Variants in INPP5A observed in about 807,000 individuals in gnomAD.
The protein encoded by INPP5A is inositol polyphosphate-5-phosphatase A, also known as 43 kDa inositol polyphosphate 5-phophatase.
Under a neutral mutation model 65.2 loss-of-function variants are expected in INPP5A, and 14 were observed. The observed-to-expected ratio is 0.21, with a 90% CI of 0.14 to 0.34. The LOEUF (loss-of-function observed/expected upper bound fraction) is 0.34. Ranked by LOEUF, INPP5A falls within the 10% of genes least tolerant of loss-of-function variation. The pLI is 1.00. For synonymous variants in INPP5A, 207 were observed against 208.3 expected (o/e 0.99, Z 0.05); for missense variants, 431 against 545.6 (o/e 0.79, Z 2.09).
chr10:132,732,342 G>A (rs1255427352), intron 9 of INPP5A, among the ~76,000 whole-genome samples: 1 of 152,222 alleles, frequency 6.6e-6, no homozygotes, highest in Non-Finnish European at 1.5e-5. Context: ...TTAAGACTGT[G>A]GATACATAGC....
In INPP5A at chr10:132,783,011, C is replaced by T. The variant is rs1847194461; in HGVS notation, c.*982C>T. 2.6e-5 allele frequency: 4 copies of T among 152,384 alleles called. No individual in the cohort carries two copies. Among genetic ancestry groups the T allele is most frequent in the Admixed American group, 2.6e-4 (4 of 15,272 alleles). 9.4% of individuals were successfully genotyped at this position (152,384 alleles called of 1,614,324 possible). On this transcript the variant is annotated 3_prime_UTR_variant, in exon 16 of 16. Transcript: ENST00000368594. Reference sequence around the variant, plus strand: ...GGAGAAATAGAAATAGCCTAGTTTGCTTCCAATAGAAACTGCTTTTAACAT... The same window carrying T: ...GGAGAAATAGAAATAGCCTAGTTTGTTTCCAATAGAAACTGCTTTTAACAT...
chr10:132,620,157 C>G (rs1197588773), intron 2 of INPP5A, among the ~76,000 whole-genome samples: 3 of 152,222 alleles, frequency 2.0e-5, no homozygotes, highest in Non-Finnish European at 4.4e-5. Flanking sequence ...GCCTCAGGAC[C>G]TGTGACAGGA....
At chr10:132,640,288 A>T (rs2072409711) in intron 2 of INPP5A, among the ~76,000 whole-genome samples, 1 of 152,228 alleles carries the variant, frequency 6.6e-6, no homozygotes, top group Non-Finnish European at 1.5e-5. Context: ...CTGCTCGCTC[A>T]CGTGGGTTGT....
chr10:132,662,036 C>T (rs191899433), intron 4 of INPP5A, among the ~76,000 whole-genome samples: 340 of 152,278 alleles, frequency 2.2e-3, no homozygotes, highest in African/African-American at 7.9e-3. Flanking sequence ...ATAGACCTAG[C>T]GTAAGAGCTA....
intron 11 of INPP5A, among the ~76,000 whole-genome samples, chr10:132,755,104 A>G (rs890218471): frequency 1.7e-4 from 25 of 151,050 alleles, no homozygotes; most frequent in Non-Finnish European, 1.2e-4. Flanking sequence ...TGAGCAGGCA[A>G]GTGTGTGAGC....
intron 9 of INPP5A, among the ~76,000 whole-genome samples, chr10:132,734,283 C>G (rs1384551434): frequency 6.6e-6 from 1 of 152,222 alleles, no homozygotes; most frequent in Non-Finnish European, 1.5e-5. Flanking sequence ...TCTCGGTGCT[C>G]CCTGAGGCTG....
At chr10:132,612,045 T>A (rs929917613) in intron 2 of INPP5A, among the ~76,000 whole-genome samples, 472 of 50,290 alleles carry the variant, frequency 9.4e-3, no homozygotes, top group Middle Eastern at 0.038. Flanking sequence ...GAGGAGGGTG[T>A]GGGAGGTGAG....
At chr10:132,622,378 G>A (rs1413564348) in intron 2 of INPP5A, among the ~76,000 whole-genome samples, 6 of 94,986 alleles carry the variant, frequency 6.3e-5, no homozygotes, top group Non-Finnish European at 1.2e-4. Flanking sequence ...TACCGCGTTC[G>A]TGGATTGGAA....
intron 1 of INPP5A, among the ~76,000 whole-genome samples, chr10:132,558,467 G>T (rs762348792): frequency 1.3e-5 from 2 of 152,234 alleles, no homozygotes; most frequent in Non-Finnish European, 2.9e-5. Flanking sequence ...GTCGGCTCCT[G>T]TGCAGTAGAG....
intron 2 of INPP5A, among the ~76,000 whole-genome samples, chr10:132,630,173 C>T (rs1394221893): frequency 9.2e-5 from 14 of 152,070 alleles, no homozygotes; most frequent in Admixed American, 8.5e-4. Flanking sequence ...GAAGAAAAGG[C>T]GTCCATGAGG....
At chr10:132,606,410 C>T (rs2071852919) in intron 1 of INPP5A, among the ~76,000 whole-genome samples, 2 of 152,130 alleles carry the variant, frequency 1.3e-5, no homozygotes, top group Admixed American at 1.3e-4. Flanking sequence ...ACGAGGAGGT[C>T]CCTGGACCCA....
intron 4 of INPP5A, among the ~76,000 whole-genome samples, chr10:132,679,887 A>C (rs1174928697): frequency 3.3e-5 from 5 of 152,246 alleles, no homozygotes; most frequent in African/African-American, 1.2e-4. Flanking sequence ...GCCTCCAGCC[A>C]GTGGTGCTGG....
At chr10:132,699,179 C>T (rs1047719332) in intron 6 of INPP5A, among the ~76,000 whole-genome samples, 2 of 152,168 alleles carry the variant, frequency 1.3e-5, no homozygotes, top group African/African-American at 4.8e-5. Context: ...GTGGTGCAGG[C>T]CCATCGGAAG....
intron 4 of INPP5A, among the ~76,000 whole-genome samples, chr10:132,656,989 G>C (rs977579793): frequency 2.0e-5 from 3 of 152,242 alleles, no homozygotes; most frequent in African/African-American, 7.2e-5. Context: ...CGATGACCTA[G>C]TTGGGTCTGG....
intron 9 of INPP5A, among the ~76,000 whole-genome samples, chr10:132,731,694 G>C (rs1590965737): frequency 6.6e-6 from 1 of 152,218 alleles, no homozygotes; most frequent in South Asian, 2.1e-4. Flanking sequence ...CGATCAGCTT[G>C]GGAGGGAGCT....
At chr10:132,631,430 T>G (rs1428249044) in intron 2 of INPP5A, among the ~76,000 whole-genome samples, 1 of 152,152 alleles carries the variant, frequency 6.6e-6, no homozygotes, top group Non-Finnish European at 1.5e-5. Context: ...TTAAACAGGG[T>G]GTTTTCCAGG....
In INPP5A at chr10:132,555,135, GC is replaced by G. The variant is rs1462601664; in HGVS notation, c.75+16965del. Among the ~76,000 whole-genome samples, 1 of 151,882 alleles carries G rather than the reference GC, an allele frequency of 6.6e-6. No individual in the cohort carries two copies. The highest frequency in any genetic ancestry group is 1.5e-5 in the Non-Finnish European group (1 of 67,952). On this transcript the variant is annotated intron_variant, in intron 1 of 15. Coordinates refer to ENST00000368594, the MANE Select transcript of INPP5A (RefSeq NM_005539.5). This position sits in a 1 kb window ranked among gnomAD's most constrained non-coding sequence, Gnocchi z 4.4. ...GTGGGTGACATAGGTGGTGTGGCTG[GC>G]GTGGTTAGTGGGTGGCATAGATGGC...
rs117889312 is a variant in INPP5A, at chr10:132,650,305, G to A, written c.219-113G>A. The A allele has an allele frequency of 0.019, 13,955 of 725,308 alleles. 259 individuals are homozygous for A. The highest frequency in any genetic ancestry group is 0.046 in the East Asian group (1,740 of 38,188). The allele number at this position is 725,308 out of a possible 1,614,324, so 44.9% of individuals were successfully genotyped here. On this transcript the variant is annotated intron_variant, in intron 3 of 15. Coordinates refer to ENST00000368594, the MANE Select transcript of INPP5A (RefSeq NM_005539.5). The surrounding 1 kb of genome is among the most constrained non-coding windows in gnomAD (Gnocchi z 5.5). ...GCCCTCTGCCTGTCACGGGTGGATG[G>A]TCTCACGGTGATGTACCTATGTGCT... is the stretch of plus-strand genomic sequence containing the variant.
intron 6 of INPP5A, among the ~76,000 whole-genome samples, chr10:132,703,825 C>T (rs867833653): frequency 1.6e-4 from 12 of 72,752 alleles, no homozygotes; most frequent in Non-Finnish European, 2.6e-4. Context: ...CACACACACA[C>T]GTGGCTTCAC....
Sources: allele counts gnomAD v4.1 joint callset (sites outside exome capture counted in the v4.1 genomes callset), GRCh38; gene constraint gnomAD v4.1.1; non-coding constraint Gnocchi (gnomAD v3.1); transcripts MANE v1.5; gene names NCBI Gene and HGNC (gene_info 2026-07-23, HGNC 2026-07-21).